The following PDGFRB variants were observed in gnomAD, a reference collection of about 807,000 sequenced individuals.
PDGFRB encodes the protein platelet derived growth factor receptor beta, also known as platelet-derived growth factor receptor beta.
PDGFRB carries 42 observed loss-of-function variants against 120.2 expected under a neutral mutation model. The observed-to-expected ratio is 0.35, with a 90% CI of 0.27 to 0.45. The LOEUF is 0.45. Ranked by LOEUF, PDGFRB falls within the 20% of genes least tolerant of loss-of-function variation. The probability of loss-of-function intolerance (pLI) is 1.00; values close to 1 mark genes in which losing one functional copy is unlikely to be tolerated. For missense variants in PDGFRB, 1,149 were observed against 1,476.3 expected, an observed-to-expected ratio of 0.78 and a Z score of 3.63; for synonymous variants, 586 against 606.8, an observed-to-expected ratio of 0.97 and a Z score of 0.50.
chr5:150,153,819 A>G (rs1761147378), intron 1 of PDGFRB: 3 of 152,112 alleles, frequency 2.0e-5, no homozygotes, highest in African/African-American at 2.4e-5. Context: ...TAGCCACACG[A>G]TGTCCTGGAA....
intron 1 of PDGFRB, among the ~76,000 whole-genome samples, chr5:150,152,259 A>G (rs1470840060): frequency 6.6e-6 from 1 of 152,226 alleles, no homozygotes; most frequent in Non-Finnish European, 1.5e-5. Context: ...CTGAATGCCC[A>G]GCATGTTCCA....
intron 1 of PDGFRB, among the ~76,000 whole-genome samples, chr5:150,153,222 G>A (rs931274602): frequency 1.3e-5 from 2 of 152,204 alleles, no homozygotes; most frequent in African/African-American, 2.4e-5. Context: ...TCTTCTTCCC[G>A]CAGAGGAGGG....
intron 13 of PDGFRB, 62 bp downstream of exon 13, chr5:150,124,663 AGT>A (rs892371967): frequency 2.6e-6 from 2 of 783,298 alleles, no homozygotes; most frequent in African/African-American, 3.4e-5. Flanking sequence ...GGAGAGGCTA[AGT>A]GTGTGGGGAG....
In PDGFRB at chr5:150,119,529, C is replaced by T; in HGVS notation, c.2736G>A (p.Gln912=). 6.2e-7 allele frequency: 1 copy of T among 1,613,406 alleles called. No individual in the cohort carries two copies. The highest frequency in any genetic ancestry group is 8.5e-7 in the Non-Finnish European group (1 of 1,179,332). The change falls in exon 20 of 23, where the codon CAG becomes CAA. Residue 912 remains glutamine (Q), a synonymous_variant. Transcript: ENST00000261799. ...TPYPELPMNE[Q]FYNAIKRGYR... ...AACCCCGTTTGATGGCATTGTAGAACTGCTCGTTCATGGGCAGCTCTGGGT... is the reference window on the plus strand; with the variant it reads ...AACCCCGTTTGATGGCATTGTAGAATTGCTCGTTCATGGGCAGCTCTGGGT...
chr5:150,129,620 G>A (rs1760395961), intron 10 of PDGFRB, 137 bp downstream of exon 10: 1 of 665,338 alleles, frequency 1.5e-6, no homozygotes. Context: ...GTACACAACA[G>A]GGTTTCACAA....
intron 1 of PDGFRB, among the ~76,000 whole-genome samples, chr5:150,154,447 A>ACTGC (rs1045630247): frequency 6.6e-6 from 1 of 152,166 alleles, no homozygotes; most frequent in Non-Finnish European, 1.5e-5. Context: ...AAAAACAGTC[A>ACTGC]CTGCCTCTGG....
chr5:150,127,059 G>A (rs916220280), intron 10 of PDGFRB, among the ~76,000 whole-genome samples: 3 of 152,214 alleles, frequency 2.0e-5, no homozygotes, highest in Admixed American at 6.5e-5. Flanking sequence ...ATGCCTGACC[G>A]AGTGGCCGGT....
intron 11 of PDGFRB, among the ~76,000 whole-genome samples, chr5:150,125,897 G>T (rs1369965050): frequency 6.6e-6 from 1 of 152,210 alleles, no homozygotes; most frequent in Non-Finnish European, 1.5e-5. Flanking sequence ...AAGTAGTAGA[G>T]CAGGTGACCC....
Position 150,133,968 on chromosome 5 carries a change from C to A in PDGFRB, c.672G>T (p.Val224=). The A allele has an allele frequency of 6.2e-7, 1 of 1,613,730 alleles. No homozygotes were observed. The highest frequency in any genetic ancestry group is 8.5e-7 in the Non-Finnish European group (1 of 1,179,636). The stretch of plus-strand genomic sequence containing the variant: ...GGGTGATGTTCTCACCCTGGCGGAC[C>A]ACAGTCTGCACTGCGTTCACAGAGA... The part of the protein sequence containing the change: ...INVSVNAVQT[V]VRQGENITLM... The change falls in exon 5 of 23, where the codon GTG becomes GTT. Residue 224 remains valine (V), a synonymous_variant. Transcript: ENST00000261799.
At chr5:150,139,040 C>T (rs922708597) in intron 1 of PDGFRB, among the ~76,000 whole-genome samples, 7 of 152,308 alleles carry the variant, frequency 4.6e-5, no homozygotes, top group East Asian at 1.9e-4. Context: ...ATGCAGCCCC[C>T]GACCCTCCTC....
At chr5:150,147,362 C>T (rs1234453573) in intron 1 of PDGFRB, among the ~76,000 whole-genome samples, 1 of 152,226 alleles carries the variant, frequency 6.6e-6, no homozygotes, top group Non-Finnish European at 1.5e-5. Context: ...CAGGCTGAGA[C>T]TGAGGAGGGG....
At chr5:150,151,242 A>C (rs974175881) in intron 1 of PDGFRB, among the ~76,000 whole-genome samples, 1 of 152,202 alleles carries the variant, frequency 6.6e-6, no homozygotes, top group Non-Finnish European at 1.5e-5. Context: ...AAATTGTTTT[A>C]GGGCTGGAAG....
intron 1 of PDGFRB, 85 bp from the exon 2 acceptor site, chr5:150,137,138 G>C: frequency 1.7e-6 from 2 of 1,193,358 alleles, no homozygotes; most frequent in South Asian, 1.3e-5. Flanking sequence ...TGCAGAATGA[G>C]CCCCAGCTTG....
In PDGFRB at chr5:150,137,036, C is replaced by A. The variant is rs138641101; in HGVS notation, c.12G>T (p.Pro4=). The A allele has an allele frequency of 2.5e-6, 4 of 1,613,672 alleles. No homozygotes were observed. Among genetic ancestry groups the A allele is most frequent in the Non-Finnish European group, 2.5e-6 (3 of 1,179,728 alleles). Residue 4 remains proline (P), a synonymous_variant, in exon 2 of 23, where the codon CCG becomes CCT. Transcript: ENST00000261799. ...TGAGGGCCAGAGCTGGCATCGCACC[C>A]GGAAGCCGCATGGTGTCCTGCAGAG... MRL[P]GAMPALALKG... is the part of the protein sequence containing the mutation.
At chr5:150,117,578 A>G (rs776197749) in intron 22 of PDGFRB, 40 bp downstream of exon 22, 3 of 1,071,276 alleles carry the variant, frequency 2.8e-6, no homozygotes, top group Middle Eastern at 2.5e-4. Flanking sequence ...ACACACACAC[A>G]CTGTGCACAA....
chr5:150,147,076 G>A (rs1325477807), intron 1 of PDGFRB, among the ~76,000 whole-genome samples: 1 of 152,192 alleles, frequency 6.6e-6, no homozygotes, highest in African/African-American at 2.4e-5. Context: ...CAGTGCTCCT[G>A]CGGGATACAG....
chr5:150,118,672 G>A lies in PDGFRB; in HGVS notation c.2904+75C>T, dbSNP rs1432878. On this transcript the variant is annotated intron_variant, in intron 21 of 22. Transcript: ENST00000261799. ...GGTCCCCTAAATGCCAGCCCATCACGCAGAGCCTTGTACTCGGTGTCTGAC... is the reference window on the plus strand; with the variant it reads ...GGTCCCCTAAATGCCAGCCCATCACACAGAGCCTTGTACTCGGTGTCTGAC... The A allele has an allele frequency of 1.8e-3, 1,658 of 904,344 alleles. 21 individuals are homozygous for A. The African/African-American group carries it at 0.023, about 13-fold the overall frequency. 56.0% of individuals were successfully genotyped at this position (904,344 alleles called of 1,614,324 possible). A position where few individuals can be genotyped will look rare whatever the true frequency, so the allele number is the denominator to read the frequency against.
chr5:150,117,966 A>AG (rs1760015631), intron 21 of PDGFRB, 116 bp from the exon 22 acceptor site: 1 of 643,768 alleles, frequency 1.6e-6, no homozygotes, highest in South Asian at 1.9e-5. Context: ...CGCTGCTCAG[A>AG]GGGGAAAGGG....
At position 150,126,488 on chromosome 5, in the gene PDGFRB, G is replaced by A. The variant is rs747755965; in HGVS notation, c.1674+32C>T. On this transcript the variant is annotated intron_variant, in intron 11 of 22. Transcript: ENST00000261799. ...ATTTATGCAAAATAATGATGTGCCA[G>A]TCTTCACCCACTGGGCCAGGGAGGG... 8.0e-6 allele frequency: 9 copies of A among 1,124,724 alleles called. No homozygotes were observed. In the South Asian group the frequency reaches 1.1e-4, roughly 14 times the overall value. 69.7% of individuals were successfully genotyped at this position (1,124,724 alleles called of 1,614,324 possible). A position where few individuals can be genotyped will look rare whatever the true frequency, so the allele number is the denominator to read the frequency against.
Sources: allele counts gnomAD v4.1 joint callset (sites outside exome capture counted in the v4.1 genomes callset), GRCh38; gene constraint gnomAD v4.1.1; transcripts MANE v1.5; gene names NCBI Gene and HGNC (gene_info 2026-07-23, HGNC 2026-07-21).